The following NPFFR1 variants were observed in gnomAD, a reference collection of about 807,000 sequenced individuals.
NPFFR1 encodes the protein G-protein coupled receptor 147.
Under a neutral mutation model 12.7 loss-of-function variants are expected in NPFFR1, and 17 were observed. The ratio of observed to expected loss-of-function variants is 1.34; its 90% CI spans 0.92 to 2.01. The LOEUF is 2.01. Ranked by LOEUF, NPFFR1 falls within the 30% of genes most tolerant of loss-of-function variation. NPFFR1 has a pLI of 0.00. For missense variants in NPFFR1, 604 were observed against 606.5 expected (o/e 1.00, Z 0.04); for synonymous variants, 296 against 264.5 (o/e 1.12, Z -1.16).
chr10:70,267,454 T>C (rs572444635), intron 1 of NPFFR1, among the ~76,000 whole-genome samples: 1 of 152,190 alleles, frequency 6.6e-6, no homozygotes, highest in East Asian at 1.9e-4. Context: ...TGAATTACCC[T>C]AAGGTGTTAG....
At chr10:70,272,682 C>T (rs1017129808) in intron 1 of NPFFR1, among the ~76,000 whole-genome samples, 1 of 152,164 alleles carries the variant, frequency 6.6e-6, no homozygotes, top group Non-Finnish European at 1.5e-5. Context: ...TCAATAAGGG[C>T]CAGAGCATGG....
intron 1 of NPFFR1, among the ~76,000 whole-genome samples, chr10:70,267,607 G>C: frequency 6.6e-6 from 1 of 152,222 alleles, no homozygotes; most frequent in East Asian, 1.9e-4. Flanking sequence ...GCTTCGAAGG[G>C]AAGGCTCAGT....
intron 1 of NPFFR1, 109 bp downstream of exon 1, chr10:70,283,561 C>A (rs1167164533): frequency 1.8e-6 from 2 of 1,097,312 alleles, no homozygotes; most frequent in Non-Finnish European, 2.7e-6. Context: ...ACGTCTGGCT[C>A]TGGACAGCCA....
At chr10:70,268,291 T>G (rs1243587192) in intron 1 of NPFFR1, among the ~76,000 whole-genome samples, 3 of 152,242 alleles carry the variant, frequency 2.0e-5, no homozygotes, top group Non-Finnish European at 4.4e-5. Context: ...AAAATGTGGT[T>G]TCCATCATTA....
At chr10:70,271,555 GA>G (rs1197517926) in intron 1 of NPFFR1, among the ~76,000 whole-genome samples, 1 of 151,954 alleles carries the variant, frequency 6.6e-6, no homozygotes, top group Non-Finnish European at 1.5e-5. Context: ...AAATAAAACA[GA>G]AAAACAGACA....
intron 1 of NPFFR1, chr10:70,278,015 G>C (rs369461566): frequency 7.7e-6 from 4 of 518,400 alleles, no homozygotes; most frequent in Non-Finnish European, 1.5e-5. Flanking sequence ...CTGTCCCCTA[G>C]TCAGTCATGA....
At chr10:70,260,265 C>T (rs546032392) in intron 3 of NPFFR1, among the ~76,000 whole-genome samples, 8 of 152,188 alleles carry the variant, frequency 5.3e-5, no homozygotes, top group Non-Finnish European at 1.0e-4. Flanking sequence ...CCTCCCCAGC[C>T]ATACCGTGAC....
At chr10:70,256,097 A>G (rs1349654572) in intron 3 of NPFFR1, among the ~76,000 whole-genome samples, 1 of 146,778 alleles carries the variant, frequency 6.8e-6, no homozygotes, top group Non-Finnish European at 1.5e-5. Context: ...TTCCTGAGAC[A>G]GGGCCTCCTT....
In NPFFR1 at chr10:70,250,313, T is replaced by C. The variant is rs1398422603; in HGVS notation, c.*4644A>G. ...GGGAGTACAAAATGGTAGAGCGACT[T>C]TGGAAAGCACTTTGGCAGTTTCTTA... is the stretch of plus-strand genomic sequence containing the variant. On this transcript the variant is annotated 3_prime_UTR_variant, in exon 4 of 4. Coordinates refer to ENST00000277942, the MANE Select transcript of NPFFR1 (RefSeq NM_022146.5). 1 of 152,202 alleles carries C rather than the reference T, an allele frequency of 6.6e-6. No homozygotes were observed. The highest frequency in any genetic ancestry group is 1.9e-4 in the East Asian group (1 of 5,204). 9.4% of individuals were successfully genotyped at this position (152,202 alleles called of 1,614,324 possible).
rs575574390 is a variant in NPFFR1 at position 70,257,938 on chromosome 10, C to T, written c.423-2111G>A. Among the ~76,000 whole-genome samples, 308 of 152,260 alleles carry T rather than the reference C, an allele frequency of 2.0e-3. 1 individual carries two copies. The highest frequency in any genetic ancestry group is 3.1e-3 in the Admixed American group (48 of 15,292). On this transcript the variant is annotated intron_variant, in intron 3 of 3. Coordinates refer to ENST00000277942, the MANE Select transcript of NPFFR1 (RefSeq NM_022146.5). ...TACCTTCCCTTGAACTTAATTATGA[C>T]ATAGATTCTATTGCTCACAGGTTTG...
rs1564591101 is a variant in NPFFR1, at chr10:70,248,466, C to CGTTTTT, written c.*6485_*6490dup. ...ACAAAGTACGTAGTACTATGCCTGG[C>CGTTTTT]GTTTTTTTTTTGTTTTTTGTTTTTT... On this transcript the variant is annotated 3_prime_UTR_variant, in exon 4 of 4. Coordinates refer to ENST00000277942, the MANE Select transcript of NPFFR1 (RefSeq NM_022146.5). The CGTTTTT allele has an allele frequency of 1.8e-3, 91 of 49,460 alleles. 2 individuals carry two copies. The highest frequency in any genetic ancestry group is 1.1e-3 in the African/African-American group (20 of 17,966). 3.1% of individuals were successfully genotyped at this position (49,460 alleles called of 1,614,324 possible).
chr10:70,264,152 T>G (rs1223803293), intron 2 of NPFFR1, among the ~76,000 whole-genome samples: 2 of 151,880 alleles, frequency 1.3e-5, no homozygotes, highest in Non-Finnish European at 2.9e-5. Context: ...GGCAGGCAGG[T>G]CACTTGAGAT....
At chr10:70,278,307 C>G (rs59189206) in intron 1 of NPFFR1, among the ~76,000 whole-genome samples, 1,602 of 139,140 alleles carry the variant, frequency 0.012, 35 homozygotes, top group African/African-American at 0.039. Context: ...ACCCACCCCC[C>G]ACCCTGCCCC....
chr10:70,283,831 G>A lies in NPFFR1; in HGVS notation c.-155C>T, dbSNP rs902106361. On this transcript the variant is annotated 5_prime_UTR_variant, in exon 1 of 4. Coordinates refer to ENST00000277942, the MANE Select transcript of NPFFR1 (RefSeq NM_022146.5). ...GTCCGGTCGGTCCGGGCAGAGGTGA[G>A]CAGGGGGCGTGCGCTCCCAGGCCCC... Among the ~76,000 whole-genome samples the A allele has an allele frequency of 6.6e-6, 1 of 152,220 alleles. No individual in the cohort carries two copies. Among genetic ancestry groups the A allele is most frequent in the African/African-American group, 2.4e-5 (1 of 41,474 alleles).
rs900711431 is a variant in NPFFR1, at chr10:70,249,844, G to C, written c.*5113C>G. 1 of 151,440 alleles carries C rather than the reference G, an allele frequency of 6.6e-6. No homozygotes were observed. The highest frequency in any genetic ancestry group is 2.4e-5 in the African/African-American group (1 of 41,192). 9.4% of individuals were successfully genotyped at this position (151,440 alleles called of 1,614,324 possible). ...TTACAATAAAAGATATAAGAATGCAGTAAGCACACAAAAAGATGCCCAGCA... is the reference window on the plus strand; with the variant it reads ...TTACAATAAAAGATATAAGAATGCACTAAGCACACAAAAAGATGCCCAGCA... On this transcript the variant is annotated 3_prime_UTR_variant, in exon 4 of 4. Transcript: ENST00000277942.
chr10:70,277,708 C>A (rs1434895690), intron 1 of NPFFR1, among the ~76,000 whole-genome samples: 1 of 152,062 alleles, frequency 6.6e-6, no homozygotes, highest in East Asian at 1.9e-4. Context: ...GGGTAGGCAG[C>A]TGTGGAGGCC....
chr10:70,266,216 G>A lies in NPFFR1; in HGVS notation c.183C>T (p.Asn61=). 1.2e-6 allele frequency: 2 copies of A among 1,614,032 alleles called. No homozygotes were observed. The highest frequency in any genetic ancestry group is 1.7e-6 in the Non-Finnish European group (2 of 1,179,896). ...ALIFLLCMVG[N]TLVCFIVLKN... is the part of the protein sequence containing the mutation. ...TGAGCACGATGAAACAGACCAGGGTGTTGCCCACCATGCAGAGCAGGAAGA... is the reference window on the plus strand; with the variant it reads ...TGAGCACGATGAAACAGACCAGGGTATTGCCCACCATGCAGAGCAGGAAGA... The change falls in exon 2 of 4, where the codon AAC becomes AAT. Residue 61 remains asparagine (N), a synonymous_variant. Transcript: ENST00000277942.
rs1251430126 is a variant in NPFFR1, at chr10:70,255,499, G to C, written c.751C>G (p.Pro251Ala). The change falls in exon 4 of 4, where the codon CCC becomes GCC. Residue 251 changes from proline (P) to alanine (A), a missense_variant. Pro to Ala is a conservative substitution (Grantham distance 27, BLOSUM62 -1). Transcript: ENST00000277942. The surrounding 1 kb of genome is among the most constrained non-coding windows in gnomAD (Gnocchi z 4.2). ...GGGTCCGCAGCCTCCTCGCCCCCGG[G>C]GGCCGGGCCCGGGGCCTGGCAGAGC... is the stretch of plus-strand genomic sequence containing the variant. ...RKLCQAPGPA[P>A]GGEEAADPRA... is the part of the protein sequence containing the mutation. 20 of 1,547,576 alleles carry C rather than the reference G, an allele frequency of 1.3e-5. No individual in the cohort carries two copies. In the South Asian group the frequency reaches 1.4e-4, roughly 11 times the overall value.
intron 2 of NPFFR1, 61 bp downstream of exon 2, chr10:70,266,016 T>C: frequency 1.4e-6 from 2 of 1,466,316 alleles, no homozygotes; most frequent in Admixed American, 1.7e-5. Context: ...ATTTCCAGCC[T>C]TATCTGAGAA....
Sources: gnomAD v4.1 joint callset for allele counts (sites outside exome capture counted in the v4.1 genomes callset) on GRCh38, gnomAD v4.1.1 for gene constraint, Gnocchi (gnomAD v3.1) non-coding constraint, MANE v1.5 for transcripts, NCBI Gene and HGNC (gene_info 2026-07-23, HGNC 2026-07-21) for gene names.